The following PRDM16 variants were observed in gnomAD, a reference collection of about 807,000 sequenced individuals.
The protein encoded by PRDM16 is PR/SET domain 16.
A neutral mutation model predicts 110.6 loss-of-function variants in PRDM16; 23 were observed. The ratio of observed to expected loss-of-function variants is 0.21; its 90% CI spans 0.15 to 0.29. PRDM16 has a LOEUF of 0.29. PRDM16 is among the 10% of genes least tolerant of loss of function. PRDM16 has a pLI of 1.00. For missense variants in PRDM16, 1,615 were observed against 1,794.3 expected, an observed-to-expected ratio of 0.90 and a Z score of 1.81; for synonymous variants, 799 against 781.8, an observed-to-expected ratio of 1.02 and a Z score of -0.37.
At chr1:3,285,389 C>T (rs1010330989) in intron 3 of PRDM16, among the ~76,000 whole-genome samples, 2 of 152,184 alleles carry the variant, frequency 1.3e-5, no homozygotes, top group East Asian at 1.9e-4. Flanking sequence ...GGTCGTTTTA[C>T]GTTTTCACCT....
At chr1:3,279,906 T>C (rs74050824) in intron 3 of PRDM16, among the ~76,000 whole-genome samples, 4,246 of 118,700 alleles carry the variant, frequency 0.036, 208 homozygotes, top group African/African-American at 0.12. Flanking sequence ...CCAATGTGGG[T>C]CCACACCATT....
At chr1:3,333,448 C>T (rs989979481) in intron 3 of PRDM16, among the ~76,000 whole-genome samples, 7 of 152,168 alleles carry the variant, frequency 4.6e-5, no homozygotes, top group Admixed American at 1.3e-4. Flanking sequence ...GTCTGGAAAC[C>T]GGACTCCAAA....
At chr1:3,385,019 TG>T in intron 3 of PRDM16, 132 bp from the exon 4 acceptor site, 1 of 1,081,782 alleles carries the variant, frequency 9.2e-7, no homozygotes, top group Non-Finnish European at 1.4e-6. Flanking sequence ...GCCCGGAGGG[TG>T]GGCTGAGGTC....
intron 3 of PRDM16, among the ~76,000 whole-genome samples, chr1:3,282,765 C>T (rs1379226150): frequency 6.6e-6 from 1 of 152,304 alleles, no homozygotes; most frequent in East Asian, 1.9e-4. Context: ...GGAGGAGACA[C>T]TGTTGTCCGT....
intron 2 of PRDM16, among the ~76,000 whole-genome samples, chr1:3,238,536 T>C (rs1466701028): frequency 6.6e-6 from 1 of 152,182 alleles, no homozygotes; most frequent in Non-Finnish European, 1.5e-5. Flanking sequence ...AAATAAATAT[T>C]ATCCTACTCC....
At chr1:3,253,594 A>C (rs1639987811) in intron 3 of PRDM16, among the ~76,000 whole-genome samples, 3 of 151,186 alleles carry the variant, frequency 2.0e-5, no homozygotes, top group South Asian at 2.1e-4. Context: ...ACATTTTCTT[A>C]ATCCAGTCTA....
intron 3 of PRDM16, among the ~76,000 whole-genome samples, chr1:3,264,909 G>A (rs374142051): frequency 6.6e-6 from 1 of 152,278 alleles, no homozygotes; most frequent in African/African-American, 2.4e-5. Context: ...CTCATTGGCA[G>A]GGATGGGAAG....
intron 12 of PRDM16, among the ~76,000 whole-genome samples, chr1:3,423,458 C>A (rs1316189887): frequency 6.6e-6 from 1 of 152,154 alleles, no homozygotes; most frequent in Non-Finnish European, 1.5e-5. Context: ...TAGCAAACAC[C>A]AGCCCAGGCC....
chr1:3,180,794 C>A (rs1441089802), intron 1 of PRDM16, among the ~76,000 whole-genome samples: 2 of 140,156 alleles, frequency 1.4e-5, no homozygotes, highest in African/African-American at 5.6e-5. Context: ...CTGGGGTCAG[C>A]TGAGGTTGCC....
In PRDM16 at chr1:3,412,104, ACAAGGG is replaced by A. The variant is rs777935048; in HGVS notation, c.1918_1923del (p.Gly640_Lys641del). On this transcript the variant is annotated inframe_deletion, in exon 9 of 17. Transcript: ENST00000270722. ...GACGTGGACAGCGACCCTGACAAGG[ACAAGGG>A]CAAGGGCAAGTCCGCCGAGGGCCAG... The A allele has an allele frequency of 6.3e-7, 1 of 1,582,996 alleles. No individual in the cohort carries two copies. The highest frequency in any genetic ancestry group is 8.6e-7 in the Non-Finnish European group (1 of 1,163,196).
chr1:3,258,807 T>G (rs10909912), intron 3 of PRDM16, among the ~76,000 whole-genome samples: 52,990 of 152,138 alleles, frequency 0.35, 12,538 homozygotes, highest in African/African-American at 0.67. Flanking sequence ...GCGCGGCGGC[T>G]TCTGCCGGGG....
intron 4 of PRDM16, chr1:3,394,386 C>G (rs1172157273): frequency 2.2e-6 from 1 of 446,684 alleles, no homozygotes; most frequent in East Asian, 7.2e-5. Flanking sequence ...CGTCCGCCCA[C>G]CCAGCCCTCT....
chr1:3,070,878 C>G (rs1641739646), intron 1 of PRDM16, among the ~76,000 whole-genome samples: 1 of 152,190 alleles, frequency 6.6e-6, no homozygotes, highest in Non-Finnish European at 1.5e-5. Context: ...GAGGCGCCCC[C>G]TTCCCGCCGC....
At chr1:3,406,043 C>T (rs1643556450) in intron 8 of PRDM16, among the ~76,000 whole-genome samples, 1 of 152,220 alleles carries the variant, frequency 6.6e-6, no homozygotes, top group Non-Finnish European at 1.5e-5. Context: ...TCTGTGCTGC[C>T]CTGCACGTGA....
At chr1:3,217,966 G>A (rs1639070613) in intron 2 of PRDM16, among the ~76,000 whole-genome samples, 1 of 152,218 alleles carries the variant, frequency 6.6e-6, no homozygotes, top group African/African-American at 2.4e-5. Context: ...CACCGATGTT[G>A]GGGTCTGGGA....
At chr1:3,074,236 A>G (rs1261010745) in intron 1 of PRDM16, among the ~76,000 whole-genome samples, 1 of 152,112 alleles carries the variant, frequency 6.6e-6, no homozygotes, top group African/African-American at 2.4e-5. Context: ...AGCAGGCACC[A>G]CTTTTGAGAG....
chr1:3,283,960 G>A (rs1022458236), intron 3 of PRDM16, among the ~76,000 whole-genome samples: 6 of 152,220 alleles, frequency 3.9e-5, no homozygotes. Context: ...TCCAGGAGAC[G>A]CAGGCACATC....
At chr1:3,259,143 C>T (rs538102513) in intron 3 of PRDM16, among the ~76,000 whole-genome samples, 2 of 152,256 alleles carry the variant, frequency 1.3e-5, no homozygotes, top group East Asian at 1.9e-4. Flanking sequence ...GCAGTACCTC[C>T]GTCCCGGCCC....
At position 3,411,961 on chromosome 1, in the gene PRDM16, G is replaced by A. The variant is rs1052483459; in HGVS notation, c.1764G>A (p.Val588=). Residue 588 remains valine, a synonymous_variant, in exon 9 of 17, where the codon GTG becomes GTA. Coordinates refer to ENST00000270722, the MANE Select transcript of PRDM16 (RefSeq NM_022114.4). The stretch of plus-strand genomic sequence containing the variant: ...AGAGCCGCCTGGAGGACTCCTGTGT[G>A]GAGAAGCTGAAGACCAGGAGCAGCG... ...KFESRLEDSC[V]EKLKTRSSDM... 4 of 1,613,632 alleles carry A rather than the reference G, an allele frequency of 2.5e-6. No individual in the cohort carries two copies. The South Asian group carries it at 3.3e-5, about 13-fold the overall frequency.
Sources: gnomAD v4.1 joint callset for allele counts (sites outside exome capture counted in the v4.1 genomes callset) on GRCh38, gnomAD v4.1.1 for gene constraint, MANE v1.5 for transcripts, NCBI Gene and HGNC (gene_info 2026-07-23, HGNC 2026-07-21) for gene names.